The following PPM1H variants were observed in gnomAD, a reference collection of about 807,000 sequenced individuals.
The protein encoded by PPM1H is protein phosphatase, Mg2+/Mn2+ dependent 1H.
In PPM1H, 27 loss-of-function variants were observed where a neutral mutation model predicts 54.9. That is an observed-to-expected ratio of 0.49 (90% CI 0.36 to 0.68). The LOEUF (loss-of-function observed/expected upper bound fraction) is 0.68. Ranked by LOEUF, PPM1H falls within the 30% of genes least tolerant of loss-of-function variation. PPM1H has a pLI of 0.00. For missense variants in PPM1H, 596 were observed against 667.8 expected, an observed-to-expected ratio of 0.89 and a Z score of 1.19; for synonymous variants, 305 against 270.8, an observed-to-expected ratio of 1.13 and a Z score of -1.24.
chr12:62,653,573 G>C (rs938863171), intron 9 of PPM1H, among the ~76,000 whole-genome samples: 3 of 152,126 alleles, frequency 2.0e-5, no homozygotes, highest in Non-Finnish European at 4.4e-5. Context: ...GGTTTTCTTT[G>C]AGGGCCCGGA....
chr12:62,751,279 C>A (rs1029080128), intron 4 of PPM1H, among the ~76,000 whole-genome samples: 1 of 152,108 alleles, frequency 6.6e-6, no homozygotes, highest in African/African-American at 2.4e-5. Context: ...TAAAAAACAG[C>A]AATGTGACGG....
rs566385878 is a variant in PPM1H at position 62,872,017 on chromosome 12, T to A, written c.246-39738A>T. The stretch of plus-strand genomic sequence containing the variant: ...ACTAAGCTTTTGAAACCTGGATCTA[T>A]GAAAATAAATACAGCATTCAGTTTC... On this transcript the variant is annotated intron_variant, in intron 1 of 9. Coordinates refer to ENST00000228705, the MANE Select transcript of PPM1H (RefSeq NM_020700.2). 4.6e-5 allele frequency among the ~76,000 whole-genome samples: 7 copies of A among 152,314 alleles called. No individual in the cohort carries two copies. The South Asian group carries it at 1.4e-3, about 32-fold the overall frequency.
At chr12:62,721,472 C>A (rs2076263262) in intron 5 of PPM1H, among the ~76,000 whole-genome samples, 1 of 152,144 alleles carries the variant, frequency 6.6e-6, no homozygotes, top group Admixed American at 6.5e-5. Flanking sequence ...TTCCCATTTG[C>A]TGTAGCCTCA....
At chr12:62,730,622 A>G (rs1343995690) in intron 5 of PPM1H, among the ~76,000 whole-genome samples, 1 of 152,220 alleles carries the variant, frequency 6.6e-6, no homozygotes, top group Non-Finnish European at 1.5e-5. Flanking sequence ...GAAAGTAATC[A>G]AAATACGAAT....
At chr12:62,835,539 T>C (rs1436865609) in intron 1 of PPM1H, among the ~76,000 whole-genome samples, 3 of 152,236 alleles carry the variant, frequency 2.0e-5, no homozygotes, top group Non-Finnish European at 4.4e-5. Context: ...GCCCTTACTT[T>C]GCCATTTCAT....
In PPM1H at chr12:62,668,999, T is replaced by C. The variant is rs150834380; in HGVS notation, c.1246-1670A>G. On this transcript the variant is annotated intron_variant, in intron 8 of 9. Coordinates refer to ENST00000228705, the MANE Select transcript of PPM1H (RefSeq NM_020700.2). The stretch of plus-strand genomic sequence containing the variant: ...GCAGCCACCAGGCGCCAGGCCTTTG[T>C]GGCCTGTGAACAAGAAGGTAACAAT... 2.2e-3 allele frequency among the ~76,000 whole-genome samples: 333 copies of C among 152,336 alleles called. 3 individuals are homozygous for C. Among genetic ancestry groups the C allele is most frequent in the African/African-American group, 7.6e-3 (315 of 41,572 alleles).
At chr12:62,697,619 C>T (rs921752439) in intron 6 of PPM1H, among the ~76,000 whole-genome samples, 1 of 152,120 alleles carries the variant, frequency 6.6e-6, no homozygotes, top group African/African-American at 2.4e-5. Context: ...TCCTTGGCTT[C>T]CTTCTTTCTC....
intron 9 of PPM1H, among the ~76,000 whole-genome samples, chr12:62,661,485 C>T (rs911873834): frequency 3.9e-5 from 6 of 152,198 alleles, no homozygotes; most frequent in East Asian, 1.9e-4. Flanking sequence ...ACTGCAACCT[C>T]GACTTGCCAG....
chr12:62,699,629 G>A (rs1307784519), intron 6 of PPM1H, among the ~76,000 whole-genome samples: 1 of 152,196 alleles, frequency 6.6e-6, no homozygotes, highest in East Asian at 1.9e-4. Flanking sequence ...GAGGTGTTTA[G>A]GATTTAAAAA....
chr12:62,831,986 C>G (rs1400434776), intron 2 of PPM1H, 128 bp downstream of exon 2: 7 of 1,128,866 alleles, frequency 6.2e-6, no homozygotes, highest in Non-Finnish European at 3.8e-6. Context: ...CCCGCCACCC[C>G]ACTAACTCTG....
At chr12:62,849,876 A>G (rs1869114993) in intron 1 of PPM1H, among the ~76,000 whole-genome samples, 1 of 152,260 alleles carries the variant, frequency 6.6e-6, no homozygotes, top group Non-Finnish European at 1.5e-5. Context: ...CAAAGGTGAC[A>G]CTGTTAAACA....
At chr12:62,693,032 G>A (rs1339989274) in intron 7 of PPM1H, among the ~76,000 whole-genome samples, 1 of 151,516 alleles carries the variant, frequency 6.6e-6, no homozygotes. Context: ...CTATCGTATC[G>A]AATGCTGGAA....
intron 9 of PPM1H, among the ~76,000 whole-genome samples, chr12:62,649,413 C>T (rs2075804271): frequency 6.6e-6 from 1 of 152,086 alleles, no homozygotes; most frequent in Non-Finnish European, 1.5e-5. Context: ...AAAGTATTAA[C>T]ATCTAGGAGA....
At chr12:62,897,166 G>A (rs1871018841) in intron 1 of PPM1H, among the ~76,000 whole-genome samples, 1 of 151,660 alleles carries the variant, frequency 6.6e-6, no homozygotes, top group African/African-American at 2.4e-5. Flanking sequence ...GAGTTAATGG[G>A]TGCAGCACAC....
chr12:62,918,085 A>G (rs116988179), intron 1 of PPM1H, among the ~76,000 whole-genome samples: 1,530 of 152,310 alleles, frequency 0.01, 14 homozygotes, highest in Non-Finnish European at 0.016. Context: ...CTCCCACAGC[A>G]CTGTACAGCT....
chr12:62,909,042 G>C (rs771985), intron 1 of PPM1H, among the ~76,000 whole-genome samples: 54,911 of 151,680 alleles, frequency 0.36, 10,828 homozygotes, highest in Non-Finnish European at 0.46. Flanking sequence ...GGCTTCTTAA[G>C]TATTAGAAAA....
chr12:62,720,986 A>C (rs2076260451), intron 5 of PPM1H: 2 of 152,410 alleles, frequency 1.3e-5, no homozygotes, highest in African/African-American at 4.8e-5. Flanking sequence ...TCACGTACTA[A>C]CTTCTCTACT....
In PPM1H at chr12:62,787,968, G is replaced by A. The variant is rs150602997; in HGVS notation, c.869+258C>T. ...ATTATGCTCCTGCTAAGTTTTCACTGAGAAACAGATTCTGAAGTCAAAAAA... is the reference window on the plus strand; with the variant it reads ...ATTATGCTCCTGCTAAGTTTTCACTAAGAAACAGATTCTGAAGTCAAAAAA... On this transcript the variant is annotated intron_variant, in intron 4 of 9. Transcript: ENST00000228705. Among the ~76,000 whole-genome samples the A allele has an allele frequency of 2.3e-3, 357 of 152,254 alleles. 3 individuals carry two copies. The highest frequency in any genetic ancestry group is 8.0e-3 in the African/African-American group (332 of 41,556).
intron 1 of PPM1H, among the ~76,000 whole-genome samples, chr12:62,839,243 C>G (rs1266308375): frequency 5.3e-5 from 8 of 151,218 alleles, no homozygotes; most frequent in Non-Finnish European, 8.8e-5. Context: ...CTTAGATCTT[C>G]TGGCTCCCAG....
Sources: allele counts gnomAD v4.1 joint callset (sites outside exome capture counted in the v4.1 genomes callset), GRCh38; gene constraint gnomAD v4.1.1; transcripts MANE v1.5; gene names NCBI Gene and HGNC (gene_info 2026-07-23, HGNC 2026-07-21).